BCL2: variants seen among roughly 807,000 people sequenced by gnomAD.
The protein encoded by BCL2 is BCL2 apoptosis regulator.
Under a neutral mutation model 14.2 loss-of-function variants are expected in BCL2, and 1 was observed. The observed-to-expected ratio is 0.07, with a 90% CI of 0.02 to 0.33. The LOEUF (loss-of-function observed/expected upper bound fraction) is 0.33. Among genes scored for constraint, BCL2 ranks in the 10% least tolerant of loss-of-function variants. BCL2 has a pLI of 0.99. For missense variants in BCL2, 247 were observed against 305.9 expected (o/e 0.81, Z 1.44); for synonymous variants, 151 against 137.2 (o/e 1.10, Z -0.70).
chr18:63,254,637 A>G (rs1410656894), intron 2 of BCL2, among the ~76,000 whole-genome samples: 1 of 152,112 alleles, frequency 6.6e-6, no homozygotes. Flanking sequence ...AGTTTTTTAT[A>G]GCCCAACGTT....
In BCL2 at chr18:63,311,724, G is replaced by A. The variant is rs144491468; in HGVS notation, c.585+6358C>T. The stretch of plus-strand genomic sequence containing the variant: ...CCATTGACGCATGTGGCCCAAACGC[G>A]ATGCTCAAGGGCAGGTGTCTTCCAC... On this transcript the variant is annotated intron_variant, in intron 2 of 2. Coordinates refer to ENST00000333681, the MANE Select transcript of BCL2 (RefSeq NM_000633.3). Among the ~76,000 whole-genome samples, 632 of 152,294 alleles carry A rather than the reference G, an allele frequency of 4.1e-3. 7 individuals are homozygous for A. The highest frequency in any genetic ancestry group is 6.1e-3 in the Non-Finnish European group (416 of 68,032).
intron 2 of BCL2, among the ~76,000 whole-genome samples, chr18:63,155,702 A>G (rs1431273649): frequency 6.6e-6 from 1 of 152,228 alleles, no homozygotes; most frequent in Non-Finnish European, 1.5e-5. Context: ...GACCAGGAGC[A>G]GGTGGTGGAG....
chr18:63,141,199 T>C (rs535112300), intron 2 of BCL2, among the ~76,000 whole-genome samples: 249 of 152,362 alleles, frequency 1.6e-3, no homozygotes, highest in African/African-American at 5.7e-3. Flanking sequence ...GCTTACCTAG[T>C]TAGTGACCTT....
chr18:63,317,337 A>G (rs1259037197), intron 2 of BCL2: 1 of 161,956 alleles, frequency 6.2e-6, no homozygotes, highest in Non-Finnish European at 1.3e-5. Flanking sequence ...CACAAATTAT[A>G]GAATACAAAG....
chr18:63,191,116 G>T (rs1909280439), intron 2 of BCL2, among the ~76,000 whole-genome samples: 1 of 152,124 alleles, frequency 6.6e-6, no homozygotes, highest in East Asian at 1.9e-4. Flanking sequence ...GGGGCATTTG[G>T]GTTGGCTCCA....
chr18:63,172,357 C>A (rs1370700468), intron 2 of BCL2, among the ~76,000 whole-genome samples: 1 of 152,208 alleles, frequency 6.6e-6, no homozygotes, highest in African/African-American at 2.4e-5. Context: ...ACACTAAACA[C>A]CCTGATGCTG....
At chr18:63,139,121 T>G (rs1487797991) in intron 2 of BCL2, among the ~76,000 whole-genome samples, 1 of 152,122 alleles carries the variant, frequency 6.6e-6, no homozygotes, top group Admixed American at 6.5e-5. Flanking sequence ...GAAGATGGTG[T>G]CTGGAGGGAA....
At chr18:63,308,924 T>C (rs1285281353) in intron 2 of BCL2, among the ~76,000 whole-genome samples, 3 of 152,222 alleles carry the variant, frequency 2.0e-5, no homozygotes, top group African/African-American at 7.2e-5. Context: ...AGGTTGAATT[T>C]AATAGAAGAA....
At chr18:63,260,827 A>T (rs1047094633) in intron 2 of BCL2, among the ~76,000 whole-genome samples, 2 of 152,204 alleles carry the variant, frequency 1.3e-5, no homozygotes, top group Non-Finnish European at 2.9e-5. Flanking sequence ...AAAAAGAAAA[A>T]CAAACATGAG....
chr18:63,172,391 A>G (rs1915242510), intron 2 of BCL2, among the ~76,000 whole-genome samples: 1 of 152,188 alleles, frequency 6.6e-6, no homozygotes, highest in South Asian at 2.1e-4. Context: ...AACTGGTGAG[A>G]TGGATCTGGC....
At chr18:63,210,857 G>C (rs1344997785) in intron 2 of BCL2, among the ~76,000 whole-genome samples, 3 of 151,910 alleles carry the variant, frequency 2.0e-5, no homozygotes, top group African/African-American at 7.3e-5. Flanking sequence ...TGGCAGTCCT[G>C]GCGACCCACA....
intron 2 of BCL2, among the ~76,000 whole-genome samples, chr18:63,267,524 A>G (rs1313761824): frequency 2.0e-5 from 3 of 152,176 alleles, no homozygotes; most frequent in African/African-American, 7.2e-5. Context: ...GAGGACTGTG[A>G]TGCAACTCAC....
rs1568222484 is a variant in BCL2 at position 63,169,311 on chromosome 18, C to CTTTCTTTCTTTCTTT, written c.586-40553_586-40552insAAAGAAAGAAAGAAA. ...TTCTTTCTTTCTTTCTTTCTTTCTT[C>CTTTCTTTCTTTCTTT]CTTCCTTCCTTCTTTCCTTTCCTTC... On this transcript the variant is annotated intron_variant, in intron 2 of 2. Coordinates refer to ENST00000333681, the MANE Select transcript of BCL2 (RefSeq NM_000633.3). Among the ~76,000 whole-genome samples, 77 of 33,362 alleles carry CTTTCTTTCTTTCTTT rather than the reference C, an allele frequency of 2.3e-3. 1 individual carries two copies. Among genetic ancestry groups the CTTTCTTTCTTTCTTT allele is most frequent in the East Asian group, 3.8e-3 (2 of 526 alleles). The allele number at this position is 33,362 out of a possible 152,430, so 21.9% of individuals were successfully genotyped here. A position where few individuals can be genotyped will look rare whatever the true frequency, so the allele number is the denominator to read the frequency against.
intron 2 of BCL2, among the ~76,000 whole-genome samples, chr18:63,246,098 A>G (rs1203713298): frequency 1.3e-5 from 2 of 152,176 alleles, no homozygotes; most frequent in Non-Finnish European, 2.9e-5. Context: ...CTGCATTACA[A>G]CGAGCATTCT....
At chr18:63,194,556 T>G (rs1478475392) in intron 2 of BCL2, among the ~76,000 whole-genome samples, 1 of 152,072 alleles carries the variant, frequency 6.6e-6, no homozygotes, top group Non-Finnish European at 1.5e-5. Flanking sequence ...GCTGTAATAA[T>G]ATAGTGATTA....
At chr18:63,131,556 C>T (rs1914070323) in intron 2 of BCL2, among the ~76,000 whole-genome samples, 2 of 152,206 alleles carry the variant, frequency 1.3e-5, no homozygotes, top group African/African-American at 4.8e-5. Context: ...CCCAAGACAT[C>T]ACAGACACGG....
intron 2 of BCL2, among the ~76,000 whole-genome samples, chr18:63,176,611 T>C (rs1439472278): frequency 6.6e-6 from 1 of 152,200 alleles, no homozygotes; most frequent in Non-Finnish European, 1.5e-5. Context: ...TTTTTTACAA[T>C]TGATACATAG....
In BCL2 at chr18:63,204,860, C is replaced by T. The variant is rs1351037582; in HGVS notation, c.586-76101G>A. 2.0e-5 allele frequency among the ~76,000 whole-genome samples: 3 copies of T among 151,960 alleles called. No individual in the cohort carries two copies. The East Asian group carries it at 5.8e-4, about 29-fold the overall frequency. ...AAGATATACTGTTAAATTAACAGGG[C>T]AAACAGTAAGCTGCCTTTTGTGTAA... On this transcript the variant is annotated intron_variant, in intron 2 of 2. Coordinates refer to ENST00000333681, the MANE Select transcript of BCL2 (RefSeq NM_000633.3).
At position 63,124,258 on chromosome 18, in the gene BCL2, A is replaced by T. The variant is rs2144579955; in HGVS notation, c.*4367T>A. ...TTTTTCTGTATTGTACATAATAAAC[A>T]TTTAGAAACAGATGTCCCTACCAAC... is the stretch of plus-strand genomic sequence containing the variant. On this transcript the variant is annotated 3_prime_UTR_variant, in exon 3 of 3. Coordinates refer to ENST00000333681, the MANE Select transcript of BCL2 (RefSeq NM_000633.3). 1 of 225,600 alleles carries T rather than the reference A, an allele frequency of 4.4e-6. No individual in the cohort carries two copies. Among genetic ancestry groups the T allele is most frequent in the African/African-American group, 2.2e-5 (1 of 44,968 alleles). The allele number at this position is 225,600 out of a possible 1,614,324, so 14.0% of individuals were successfully genotyped here.
Sources: gnomAD v4.1 joint callset for allele counts (sites outside exome capture counted in the v4.1 genomes callset) on GRCh38, gnomAD v4.1.1 for gene constraint, MANE v1.5 for transcripts, NCBI Gene and HGNC (gene_info 2026-07-23, HGNC 2026-07-21) for gene names.